Variants in MAGED1 observed in about 807,000 individuals in gnomAD.
MAGED1 encodes the protein melanoma-associated antigen D1.
MAGED1 carries 3 observed loss-of-function variants against 54.1 expected under a neutral mutation model. The observed-to-expected ratio is 0.06, with a 90% confidence interval of 0.03 to 0.14. MAGED1 has a LOEUF of 0.14. Ranked by LOEUF, MAGED1 falls within the 10% of genes least tolerant of loss-of-function variation. The probability of loss-of-function intolerance (pLI) is 1.00; values close to 1 mark genes in which losing one functional copy is unlikely to be tolerated. For synonymous variants in MAGED1, 217 were observed against 227.3 expected (o/e 0.95, Z 0.41); for missense variants, 485 against 623.4 (o/e 0.78, Z 2.36).
At chrX:51,900,659 T>G (rs1928978273) in intron 11 of MAGED1, among the ~76,000 whole-genome samples, 1 of 111,934 alleles carries the variant, frequency 8.9e-6, no homozygotes, top group East Asian at 2.8e-4. Flanking sequence ...AGATGGAGTT[T>G]TGCTGTGTTG....
chrX:51,865,374 A>G (rs192567210), intron 1 of MAGED1, among the ~76,000 whole-genome samples: 53 of 112,266 alleles, frequency 4.7e-4, no homozygotes, highest in African/African-American at 1.5e-3. Flanking sequence ...AGTTGATTAA[A>G]TTAATGTATG....
intron 1 of MAGED1, among the ~76,000 whole-genome samples, chrX:51,816,445 T>C (rs1213994534): frequency 2.7e-5 from 3 of 111,804 alleles, no homozygotes; most frequent in African/African-American, 9.8e-5. Flanking sequence ...ATATTTTTAC[T>C]GTACCTTTTC....
chrX:51,855,411 T>G (rs1447001004), intron 1 of MAGED1, among the ~76,000 whole-genome samples: 4 of 111,327 alleles, frequency 3.6e-5, no homozygotes, highest in South Asian at 3.8e-4. Flanking sequence ...TTGCTAGGAC[T>G]GTGTACCACA....
intron 2 of MAGED1, 153 bp downstream of exon 2, chrX:51,894,502 G>A (rs1557363911): frequency 2.7e-5 from 22 of 804,623 alleles, no homozygotes; most frequent in South Asian, 2.3e-4. Context: ...TTATCGAAGG[G>A]GGGGAGGGGC....
chrX:51,864,962 C>T (rs1927411322), intron 1 of MAGED1, among the ~76,000 whole-genome samples: 1 of 111,740 alleles, frequency 8.9e-6, no homozygotes, highest in Non-Finnish European at 1.9e-5. Context: ...TGACTAATTG[C>T]TCTGGTTAGG....
At chrX:51,815,104 C>G (rs1421428880) in intron 1 of MAGED1, among the ~76,000 whole-genome samples, 1 of 109,658 alleles carries the variant, frequency 9.1e-6, no homozygotes, top group Non-Finnish European at 1.9e-5. Flanking sequence ...GATTGTGCCA[C>G]TGCACTCCAG....
intron 1 of MAGED1, among the ~76,000 whole-genome samples, chrX:51,846,027 C>T (rs1442910143): frequency 9.0e-6 from 1 of 111,351 alleles, no homozygotes; most frequent in Non-Finnish European, 1.9e-5. Context: ...CCACACACCT[C>T]AGCCTCTCAA....
chrX:51,896,962 C>T lies in MAGED1; in HGVS notation c.1307C>T (p.Pro436Leu). Reference sequence around the variant, plus strand: ...TGGATCCCCGCTGATTGGCCAATTCCACCTGACTGGCAGAACCTGCGCCCC... The same window carrying T: ...TGGATCCCCGCTGATTGGCCAATTCTACCTGACTGGCAGAACCTGCGCCCC... ...PDWIPADWPIPPDWQNLRPSP... is the reference protein window; with the variant it reads ...PDWIPADWPILPDWQNLRPSP... Residue 436 changes from proline (P) to leucine (L), a missense_variant, in exon 4 of 13, where the codon CCA (proline) becomes CTA (leucine). Physicochemically the swap from Pro to Leu is moderately conservative, Grantham distance 98 (BLOSUM62 -3). Transcript: ENST00000326587. The T allele has an allele frequency of 8.3e-7, 1 of 1,210,812 alleles. No individual in the cohort carries two copies. Among genetic ancestry groups the T allele is most frequent in the Non-Finnish European group, 1.1e-6 (1 of 895,016 alleles).
rs1406819187 is a variant in MAGED1, at chrX:51,900,313, T to C, written c.1959+17T>C. The C allele has an allele frequency of 1.8e-6, 2 of 1,142,356 alleles. No homozygotes were observed. The highest frequency in any genetic ancestry group is 2.4e-6 in the Non-Finnish European group (2 of 836,234). 94.1% of individuals were successfully genotyped at this position (1,142,356 alleles called of 1,213,427 possible). On this transcript the variant is annotated intron_variant, in intron 11 of 12. Coordinates refer to ENST00000326587, the MANE Select transcript of MAGED1 (RefSeq NM_006986.4). ...ATTGCAGAGGTAATGGAGGAACTGT[T>C]CCAGCATTGATAGGTCAAGGGATGA...
At chrX:51,870,190 A>C (rs1161199066) in intron 1 of MAGED1, among the ~76,000 whole-genome samples, 1 of 112,096 alleles carries the variant, frequency 8.9e-6, no homozygotes, top group Non-Finnish European at 1.9e-5. Flanking sequence ...TGAATCAATA[A>C]TTTAAAAAGT....
intron 1 of MAGED1, among the ~76,000 whole-genome samples, chrX:51,841,776 T>C (rs1207097197): frequency 1.8e-5 from 2 of 111,936 alleles, no homozygotes; most frequent in Non-Finnish European, 3.8e-5. Context: ...GAGGGCTCTG[T>C]TCTGTTCCAT....
chrX:51,885,757 T>C (rs1254109537), intron 1 of MAGED1, among the ~76,000 whole-genome samples: 1 of 111,111 alleles, frequency 9.0e-6, no homozygotes, highest in Non-Finnish European at 1.9e-5. Flanking sequence ...TCTGACTTGA[T>C]TTTTGTATAT....
chrX:51,895,739 T>A lies in MAGED1; in HGVS notation c.732T>A (p.Ile244=). 8.5e-7 allele frequency: 1 copy of A among 1,178,210 alleles called. No individual in the cohort carries two copies. The highest frequency in any genetic ancestry group is 1.1e-6 in the Non-Finnish European group (1 of 877,444). Reference sequence around the variant, plus strand: ...AGAATCTGGAGTCCCGGACAATAATTCGGGGCAAGAGGACCCGCAAGGTGA... The same window carrying A: ...AGAATCTGGAGTCCCGGACAATAATACGGGGCAAGAGGACCCGCAAGGTGA... ...QAQNLESRTI[I]RGKRTRKINN... is the part of the protein sequence containing the mutation. The change falls in exon 3 of 13, where the codon ATT becomes ATA. Residue 244 remains isoleucine, a synonymous_variant. Coordinates refer to ENST00000326587, the MANE Select transcript of MAGED1 (RefSeq NM_006986.4).
At chrX:51,821,264 T>C (rs1445583015) in intron 1 of MAGED1, among the ~76,000 whole-genome samples, 1 of 111,853 alleles carries the variant, frequency 8.9e-6, no homozygotes, top group African/African-American at 3.2e-5. Flanking sequence ...TAAGTGCCTT[T>C]CATTGTGTTT....
At chrX:51,812,141 G>A (rs1277649579) in intron 1 of MAGED1, among the ~76,000 whole-genome samples, 1 of 108,995 alleles carries the variant, frequency 9.2e-6, no homozygotes, top group Non-Finnish European at 1.9e-5. Flanking sequence ...ACCATATTAA[G>A]TGCACATGTA....
intron 1 of MAGED1, among the ~76,000 whole-genome samples, chrX:51,859,673 T>C (rs978972285): frequency 9.0e-6 from 1 of 111,645 alleles, no homozygotes; most frequent in Non-Finnish European, 1.9e-5. Context: ...GATTTTGAGA[T>C]GCAGGGATAA....
chrX:51,850,879 G>A (rs1251525843), intron 1 of MAGED1, among the ~76,000 whole-genome samples: 1 of 110,991 alleles, frequency 9.0e-6, no homozygotes, highest in Admixed American at 9.6e-5. Context: ...CAGCCTGGGC[G>A]ACAAGAGTGA....
chrX:51,898,721 G>A (rs929285549), intron 10 of MAGED1, 78 bp downstream of exon 10: 11 of 945,250 alleles, frequency 1.2e-5, no homozygotes, highest in Non-Finnish European at 1.6e-5. Context: ...AGCCCTTCCT[G>A]GCTGGATACA....
intron 1 of MAGED1, among the ~76,000 whole-genome samples, chrX:51,855,017 T>G (rs1927036240): frequency 8.9e-6 from 1 of 112,010 alleles, no homozygotes; most frequent in Non-Finnish European, 1.9e-5. Context: ...GTCCTCCAGA[T>G]AAACCAGTCA....
Sources: gnomAD v4.1 joint callset for allele counts (sites outside exome capture counted in the v4.1 genomes callset) on GRCh38, gnomAD v4.1.1 for gene constraint, MANE v1.5 for transcripts, NCBI Gene and HGNC (gene_info 2026-07-23, HGNC 2026-07-21) for gene names.